The following TLE4 variants were observed in gnomAD, a reference collection of about 807,000 sequenced individuals.
The protein encoded by TLE4 is TLE family member 4, transcriptional corepressor, also known as transducin-like enhancer protein 4.
TLE4 carries 8 observed loss-of-function variants against 92.8 expected under a neutral mutation model. That is an observed-to-expected ratio of 0.09 (90% CI 0.05 to 0.16). The LOEUF is 0.16. TLE4 is among the 10% of genes least tolerant of loss of function. The probability of loss-of-function intolerance (pLI) is 1.00; values close to 1 mark genes in which losing one functional copy is unlikely to be tolerated. For synonymous variants in TLE4, 371 were observed against 374.1 expected (o/e 0.99, Z 0.10); for missense variants, 675 against 997.6 (o/e 0.68, Z 4.36).
At chr9:79,656,822 A>T (rs915335872) in intron 8 of TLE4, among the ~76,000 whole-genome samples, 7 of 152,240 alleles carry the variant, frequency 4.6e-5, no homozygotes, top group African/African-American at 1.7e-4. Flanking sequence ...GTAAAGATTT[A>T]AGTAATTTAG....
intron 8 of TLE4, among the ~76,000 whole-genome samples, chr9:79,682,189 T>C (rs2064845984): frequency 6.6e-6 from 1 of 152,170 alleles, no homozygotes; most frequent in Admixed American, 6.5e-5. Context: ...CACAGTCTTT[T>C]ATCCACTATT....
rs1479804798 is a variant in TLE4 at position 79,726,431 on chromosome 9, G to A, written c.*1287G>A. ...GCTATGGATCAAAATCAAAAGAACCGTGTAGATATACTTTATTGTATAAGT... is the reference window on the plus strand; with the variant it reads ...GCTATGGATCAAAATCAAAAGAACCATGTAGATATACTTTATTGTATAAGT... On this transcript the variant is annotated 3_prime_UTR_variant, in exon 20 of 20. Transcript: ENST00000376552. The A allele has an allele frequency of 1.3e-5, 2 of 152,592 alleles. No individual in the cohort carries two copies. Among genetic ancestry groups the A allele is most frequent in the Admixed American group, 6.6e-5 (1 of 15,266 alleles). The allele number at this position is 152,592 out of a possible 1,614,324, so 9.5% of individuals were successfully genotyped here.
At chr9:79,574,417 G>GA (rs1464768056) in intron 2 of TLE4, among the ~76,000 whole-genome samples, 1 of 151,850 alleles carries the variant, frequency 6.6e-6, no homozygotes, top group Admixed American at 6.6e-5. Flanking sequence ...GTTTTGGAGG[G>GA]AAAAAAACAA....
At chr9:79,697,654 A>G (rs1444391320) in intron 8 of TLE4, among the ~76,000 whole-genome samples, 1 of 152,040 alleles carries the variant, frequency 6.6e-6, no homozygotes, top group Non-Finnish European at 1.5e-5. Flanking sequence ...ACAGTGAAGA[A>G]ACCCCCGAGA....
intron 5 of TLE4, among the ~76,000 whole-genome samples, chr9:79,618,950 C>A (rs1041795353): frequency 3.3e-5 from 5 of 152,086 alleles, no homozygotes; most frequent in African/African-American, 4.8e-5. Context: ...TGGAAACCTT[C>A]CATTTTTATA....
chr9:79,573,984 T>C, intron 2 of TLE4, 198 bp downstream of exon 2: 1 of 380,968 alleles, frequency 2.6e-6, no homozygotes, highest in East Asian at 3.8e-5. Context: ...TCTTCTACCG[T>C]AAATAAAAAG....
At chr9:79,668,050 T>C (rs1183287357) in intron 8 of TLE4, among the ~76,000 whole-genome samples, 1 of 152,244 alleles carries the variant, frequency 6.6e-6, no homozygotes, top group African/African-American at 2.4e-5. Context: ...CTGACTGAAT[T>C]ATTCTACATG....
intron 8 of TLE4, among the ~76,000 whole-genome samples, chr9:79,697,628 C>G (rs1201496202): frequency 2.0e-5 from 3 of 151,468 alleles, no homozygotes; most frequent in African/African-American, 7.3e-5. Context: ...TAGCTTTATT[C>G]CAGGAAGAGG....
chr9:79,630,006 A>G (rs904185606), intron 6 of TLE4, among the ~76,000 whole-genome samples: 1 of 152,134 alleles, frequency 6.6e-6, no homozygotes, highest in African/African-American at 2.4e-5. Flanking sequence ...GGTTTTTAGA[A>G]TGTAGTCAGC....
intron 8 of TLE4, among the ~76,000 whole-genome samples, chr9:79,681,836 GTGTGTGTGTGTGTGTGTGTGTGTGTGTA>G (rs1370152793): frequency 1.3e-5 from 1 of 74,458 alleles, no homozygotes; most frequent in African/African-American, 9.8e-5. Flanking sequence ...GTGTGCATGT[GTGTGTGTGTGTGTGTGTGTGTGTGTGTA>G]TGTGTGTGTG....
intron 6 of TLE4, among the ~76,000 whole-genome samples, chr9:79,630,978 GA>G (rs1005498635): frequency 9.3e-5 from 14 of 150,382 alleles, no homozygotes; most frequent in East Asian, 5.8e-4. Context: ...TAATTCTGAG[GA>G]AAAAAAAATG....
At chr9:79,643,099 G>T (rs934041038) in intron 6 of TLE4, among the ~76,000 whole-genome samples, 2 of 152,278 alleles carry the variant, frequency 1.3e-5, no homozygotes, top group Middle Eastern at 3.4e-3. Flanking sequence ...AGTAAGGTAA[G>T]AAGGGCACAT....
chr9:79,676,927 A>G (rs2063364182), intron 8 of TLE4, among the ~76,000 whole-genome samples: 1 of 152,196 alleles, frequency 6.6e-6, no homozygotes, highest in South Asian at 2.1e-4. Flanking sequence ...AGATGTGTTC[A>G]GTATTTTAAT....
intron 8 of TLE4, among the ~76,000 whole-genome samples, chr9:79,669,843 T>A (rs376930202): frequency 1.3e-4 from 20 of 152,140 alleles, no homozygotes; most frequent in African/African-American, 4.8e-4. Flanking sequence ...CAGTGACCAG[T>A]GAGAAGAGGT....
chr9:79,633,478 A>AT (rs1175772066), intron 6 of TLE4, among the ~76,000 whole-genome samples: 1 of 152,088 alleles, frequency 6.6e-6, no homozygotes, highest in Non-Finnish European at 1.5e-5. Flanking sequence ...GTGTTATAAG[A>AT]GTTGCAGAAT....
At chr9:79,638,512 T>C (rs973590409) in intron 6 of TLE4, among the ~76,000 whole-genome samples, 3 of 152,062 alleles carry the variant, frequency 2.0e-5, no homozygotes, top group Non-Finnish European at 4.4e-5. Flanking sequence ...TTAAGGCAGC[T>C]CTATAGCTAG....
Position 79,688,136 on chromosome 9 carries a change from C to T in TLE4, c.610-16647C>T, listed in dbSNP as rs79822196. ...CTCACCATCTCTGCACACTGTCTAC[C>T]AAAGGAAAGGTCACAGTATACTTCG... On this transcript the variant is annotated intron_variant, in intron 8 of 19. Coordinates refer to ENST00000376552, the MANE Select transcript of TLE4 (RefSeq NM_007005.6). Among the ~76,000 whole-genome samples the T allele has an allele frequency of 9.9e-5, 15 of 152,228 alleles. No homozygotes were observed. The East Asian group carries it at 2.5e-3, about 25-fold the overall frequency.
At chr9:79,590,169 C>T (rs976370618) in intron 4 of TLE4, among the ~76,000 whole-genome samples, 4 of 152,178 alleles carry the variant, frequency 2.6e-5, no homozygotes, top group Non-Finnish European at 5.9e-5. Context: ...GTTAACCCCC[C>T]CAAAATATAG....
intron 4 of TLE4, chr9:79,601,653 G>A (rs1302140965): frequency 2.2e-5 from 8 of 365,244 alleles, no homozygotes; most frequent in African/African-American, 4.3e-5. Flanking sequence ...TAATTAATGT[G>A]TGTGTTCTGA....
Sources: gnomAD v4.1 joint callset for allele counts (sites outside exome capture counted in the v4.1 genomes callset) on GRCh38, gnomAD v4.1.1 for gene constraint, MANE v1.5 for transcripts, NCBI Gene and HGNC (gene_info 2026-07-23, HGNC 2026-07-21) for gene names.